MSH3: variants seen among roughly 807,000 people sequenced by gnomAD.
MSH3 encodes mutS homolog 3, also known as DNA mismatch repair protein Msh3.
In MSH3, 106 loss-of-function variants were observed where a neutral mutation model predicts 123.3. That is an observed-to-expected ratio of 0.86 (90% CI 0.73 to 1.01). The LOEUF (loss-of-function observed/expected upper bound fraction) is 1.01, where lower values mean the gene tolerates loss of function less well. Among genes scored for constraint, MSH3 ranks in the 50% least tolerant of loss-of-function variants. The pLI, the probability that MSH3 is intolerant of heterozygous loss-of-function variation, is 0.00. For missense variants in MSH3, 1,459 were observed against 1,347.6 expected, an observed-to-expected ratio of 1.08 and a Z score of -1.29; for synonymous variants, 515 against 481.4, an observed-to-expected ratio of 1.07 and a Z score of -0.91.
intron 12 of MSH3, among the ~76,000 whole-genome samples, chr5:80,753,282 A>G (rs1220678324): frequency 6.6e-6 from 1 of 152,244 alleles, no homozygotes; most frequent in East Asian, 1.9e-4. Flanking sequence ...GGCAGGGGGA[A>G]GGCTGGGTGC....
chr5:80,719,666 A>G (rs555904794), intron 8 of MSH3, among the ~76,000 whole-genome samples: 2 of 152,170 alleles, frequency 1.3e-5, no homozygotes, highest in African/African-American at 2.4e-5. Context: ...TTTCTTCCCC[A>G]TTTATTTCAC....
intron 10 of MSH3, among the ~76,000 whole-genome samples, chr5:80,737,960 G>A (rs1421959064): frequency 6.6e-6 from 1 of 152,042 alleles, no homozygotes; most frequent in Non-Finnish European, 1.5e-5. Context: ...TAGATTACTT[G>A]TTTAGTAAGG....
intron 12 of MSH3, among the ~76,000 whole-genome samples, chr5:80,753,483 T>G (rs764739332): frequency 5.9e-5 from 9 of 152,102 alleles, no homozygotes; most frequent in Non-Finnish European, 1.3e-4. Flanking sequence ...TTGAGGAATG[T>G]TTTTTTGTGG....
Position 80,750,833 on chromosome 5 carries a change from G to C in MSH3, c.1763+6218G>C, listed in dbSNP as rs182532771. ...GCACTTGTTAGTCTTTGTACTTCGT[G>C]GTCTCTCTACGTAGAATATTCTTCT... On this transcript the variant is annotated intron_variant, in intron 12 of 23. Transcript: ENST00000265081. 2.3e-3 allele frequency among the ~76,000 whole-genome samples: 357 copies of C among 152,138 alleles called. 3 individuals are homozygous for C. The highest frequency in any genetic ancestry group is 8.3e-3 in the African/African-American group (343 of 41,484).
rs1745753682 is a variant in MSH3 at position 80,847,998 on chromosome 5, G to A, written c.2814-6132G>A. Among the ~76,000 whole-genome samples the A allele has an allele frequency of 2.6e-5, 4 of 152,234 alleles. No homozygotes were observed. The South Asian group carries it at 8.3e-4, about 32-fold the overall frequency. ...TGTAATCCAAGTGCTTTGGGAGGCT[G>A]AGGCTGGTGGATCACTTGAGCCCAG... On this transcript the variant is annotated intron_variant, in intron 20 of 23. Transcript: ENST00000265081.
At chr5:80,689,219 G>A (rs540494411) in intron 8 of MSH3, among the ~76,000 whole-genome samples, 1 of 152,290 alleles carries the variant, frequency 6.6e-6, no homozygotes, top group East Asian at 1.9e-4. Flanking sequence ...TATGTTTAAG[G>A]CCAGAGAGGA....
At chr5:80,691,972 T>TAG (rs1750275694) in intron 8 of MSH3, among the ~76,000 whole-genome samples, 1 of 45,652 alleles carries the variant, frequency 2.2e-5, no homozygotes, top group African/African-American at 9.1e-5. Flanking sequence ...TATATGTTTA[T>TAG]ATAGATAAAC....
In MSH3 at chr5:80,654,936, C is replaced by T. The variant is rs1182862032; in HGVS notation, c.209C>T (p.Ala70Val). Residue 70 changes from alanine to valine, a missense_variant, in exon 1 of 24, where the codon GCC becomes GTC. Physicochemically the swap from Ala to Val is moderately conservative, Grantham distance 64. Transcript: ENST00000265081. ...GCGCCCCCAGCGCCCCCAGCTCCCGCCTTCCCGCCCCAGCTGCCGCCGCAC... is the reference window on the plus strand; with the variant it reads ...GCGCCCCCAGCGCCCCCAGCTCCCGTCTTCCCGCCCCAGCTGCCGCCGCAC... ...AAAPPAPPAP[A>V]FPPQLPPHIA... 3 of 1,500,700 alleles carry T rather than the reference C, an allele frequency of 2.0e-6. No individual in the cohort carries two copies. The African/African-American group carries it at 4.3e-5, about 22-fold the overall frequency. The allele number at this position is 1,500,700 out of a possible 1,614,324, so 93.0% of individuals were successfully genotyped here. A position where few individuals can be genotyped will look rare whatever the true frequency, so the allele number is the denominator to read the frequency against.
chr5:80,786,504 T>G (rs1744511389), intron 17 of MSH3, among the ~76,000 whole-genome samples: 1 of 152,234 alleles, frequency 6.6e-6, no homozygotes, highest in African/African-American at 2.4e-5. Flanking sequence ...TTTTCCAGTC[T>G]TTGAAGAATT....
intron 20 of MSH3, among the ~76,000 whole-genome samples, chr5:80,836,196 C>T (rs1475020931): frequency 6.6e-6 from 1 of 152,114 alleles, no homozygotes; most frequent in Non-Finnish European, 1.5e-5. Context: ...TCAGTCACTT[C>T]TTTTCATTTT....
At chr5:80,735,485 G>A (rs956085322) in intron 10 of MSH3, among the ~76,000 whole-genome samples, 9 of 151,118 alleles carry the variant, frequency 6.0e-5, no homozygotes, top group African/African-American at 1.5e-4. Flanking sequence ...TCAGGAGTCC[G>A]AGACCAGCCT....
intron 20 of MSH3, among the ~76,000 whole-genome samples, chr5:80,840,268 T>C (rs1034139866): frequency 6.6e-6 from 1 of 152,196 alleles, no homozygotes; most frequent in African/African-American, 2.4e-5. Flanking sequence ...TACTAAACTT[T>C]GTTGTTTGAC....
At position 80,654,904 on chromosome 5, in the gene MSH3, G is replaced by GCCCCCAGC. The variant is rs755017868; in HGVS notation, c.177_178insCCCCCAGC (p.Ala60ProfsTer23). On this transcript the variant is annotated frameshift_variant, in exon 1 of 24. Transcript: ENST00000265081. LOFTEE classifies it high-confidence loss of function. ...CTGCAGCGGCTGCAGCGGCCGCAGC[G>GCCCCCAGC]GCCGCAGCGCCCCCAGCGCCCCCAG... 4,228 of 1,537,690 alleles carry GCCCCCAGC rather than the reference G, an allele frequency of 2.7e-3. 100 individuals carry two copies. The African/African-American group carries it at 0.051, about 18-fold the overall frequency.
rs79375463 is a variant in MSH3 at position 80,837,121 on chromosome 5, T to C, written c.2814-17009T>C. Among the ~76,000 whole-genome samples, 1,342 of 152,288 alleles carry C rather than the reference T, an allele frequency of 8.8e-3. 24 individuals are homozygous for C. Among genetic ancestry groups the C allele is most frequent in the African/African-American group, 0.031 (1,280 of 41,550 alleles). On this transcript the variant is annotated intron_variant, in intron 20 of 23. Coordinates refer to ENST00000265081, the MANE Select transcript of MSH3 (RefSeq NM_002439.5). ...TATTTTCCAGGCATTAGTAAAACAT[T>C]GTAAGTTTTTAAGCATAGGAATCAA...
intron 8 of MSH3, among the ~76,000 whole-genome samples, chr5:80,693,620 C>CAT (rs968670331): frequency 4.2e-5 from 4 of 94,216 alleles, no homozygotes; most frequent in Non-Finnish European, 6.3e-5. Flanking sequence ...TACACACACA[C>CAT]ATATACACAC....
intron 10 of MSH3, among the ~76,000 whole-genome samples, chr5:80,730,002 G>C (rs553215249): frequency 6.6e-6 from 1 of 152,312 alleles, no homozygotes; most frequent in Non-Finnish European, 1.5e-5. Flanking sequence ...TTGCTGGAGA[G>C]AGTCAAAGAA....
At chr5:80,808,873 A>ATATCTATATATATATCTATATATATATC (rs1554074173) in intron 19 of MSH3, among the ~76,000 whole-genome samples, 1 of 137,044 alleles carries the variant, frequency 7.3e-6, no homozygotes, top group African/African-American at 2.7e-5. Context: ...ATATATATAT[A>ATATCTATATATATATCTATATATATATC]TATATATATA....
At chr5:80,826,838 C>G (rs576165203) in intron 20 of MSH3, among the ~76,000 whole-genome samples, 2 of 75,526 alleles carry the variant, frequency 2.6e-5, no homozygotes, top group African/African-American at 8.7e-5. Context: ...TGTGAGCCAC[C>G]GCGCCCGGCC....
chr5:80,759,854 G>A (rs1487426429), intron 12 of MSH3, among the ~76,000 whole-genome samples: 1 of 152,176 alleles, frequency 6.6e-6, no homozygotes, highest in East Asian at 1.9e-4. Context: ...GCCAGCCCGT[G>A]TGTGTACAAA....
Sources: gnomAD v4.1 joint callset for allele counts (sites outside exome capture counted in the v4.1 genomes callset) on GRCh38, gnomAD v4.1.1 for gene constraint, MANE v1.5 for transcripts, NCBI Gene and HGNC (gene_info 2026-07-23, HGNC 2026-07-21) for gene names.